Variants in TMEM244 observed in about 807,000 individuals in gnomAD.
TMEM244 encodes transmembrane protein 244.
In TMEM244, 13 loss-of-function variants were observed where a neutral mutation model predicts 15.8. That is an observed-to-expected ratio of 0.82 (90% confidence interval 0.53 to 1.30). TMEM244 has a LOEUF of 1.30. TMEM244 is among the 50% of genes most tolerant of loss of function. The pLI, the probability that TMEM244 is intolerant of heterozygous loss-of-function variation, is 0.00. For missense variants in TMEM244, 161 were observed against 144.9 expected, an observed-to-expected ratio of 1.11 and a Z score of -0.57; for synonymous variants, 45 against 48.7, an observed-to-expected ratio of 0.92 and a Z score of 0.32.
In TMEM244 at chr6:129,835,371, C is replaced by T. The variant is rs554434594; in HGVS notation, c.194-1786G>A. On this transcript the variant is annotated intron_variant, in intron 3 of 4. Transcript: ENST00000368143. ...TATGATCATGCCACTGCACTGCACT[C>T]GAGACTGGGTGACAGAGTGAATCTC... Among the ~76,000 whole-genome samples the T allele has an allele frequency of 2.3e-3, 340 of 145,328 alleles. 2 individuals carry two copies. The highest frequency in any genetic ancestry group is 3.5e-3 in the Middle Eastern group (1 of 284).
At chr6:129,853,907 G>C (rs1195954869) in intron 1 of TMEM244, among the ~76,000 whole-genome samples, 1 of 152,102 alleles carries the variant, frequency 6.6e-6, no homozygotes, top group Non-Finnish European at 1.5e-5. Context: ...TTCTACACTG[G>C]CTTGACGGGG....
intron 1 of TMEM244, among the ~76,000 whole-genome samples, chr6:129,858,164 G>T (rs903548517): frequency 5.9e-5 from 9 of 152,072 alleles, no homozygotes; most frequent in African/African-American, 2.2e-4. Flanking sequence ...TCATAAGTGA[G>T]ATTGATCTAT....
At chr6:129,851,713 T>A (rs1776639478) in intron 1 of TMEM244, among the ~76,000 whole-genome samples, 1 of 152,166 alleles carries the variant, frequency 6.6e-6, no homozygotes. Context: ...ATTAACAAAG[T>A]AAAAGCACTT....
intron 3 of TMEM244, among the ~76,000 whole-genome samples, chr6:129,839,492 G>A (rs1776455910): frequency 6.6e-6 from 1 of 152,142 alleles, no homozygotes; most frequent in African/African-American, 2.4e-5. Flanking sequence ...GGCAAAAACT[G>A]GAAGCATTCC....
chr6:129,855,617 T>C lies in TMEM244; in HGVS notation c.33+5539A>G, dbSNP rs1312357597. 2.0e-5 allele frequency among the ~76,000 whole-genome samples: 3 copies of C among 152,222 alleles called. No individual in the cohort carries two copies. The East Asian group carries it at 5.8e-4, about 29-fold the overall frequency. On this transcript the variant is annotated intron_variant, in intron 1 of 4. Coordinates refer to ENST00000368143, the MANE Select transcript of TMEM244 (RefSeq NM_001010876.2). ...TTCTAGAATCAATCATATTTTCACA[T>C]GTTACATTTGGTTGTCATGGCTCTT...
In TMEM244 at chr6:129,859,598, A is replaced by G. The variant is rs990203122; in HGVS notation, c.33+1558T>C. On this transcript the variant is annotated intron_variant, in intron 1 of 4. Transcript: ENST00000368143. ...TAGGAAACATGCCGTCTACTGGAGT[A>G]GAATACATTGTATTCTGAACAGTTT... is the stretch of plus-strand genomic sequence containing the variant. 3.3e-5 allele frequency among the ~76,000 whole-genome samples: 5 copies of G among 152,262 alleles called. No homozygotes were observed. In the East Asian group the frequency reaches 9.6e-4, roughly 29 times the overall value.
intron 3 of TMEM244, among the ~76,000 whole-genome samples, chr6:129,834,202 G>A (rs1317575255): frequency 7.9e-5 from 12 of 152,190 alleles, no homozygotes; most frequent in African/African-American, 1.2e-4. Flanking sequence ...ACCTGAACAC[G>A]TATAAAGAGC....
intron 2 of TMEM244, among the ~76,000 whole-genome samples, chr6:129,844,640 G>C (rs1294344925): frequency 6.6e-6 from 1 of 152,126 alleles, no homozygotes; most frequent in Admixed American, 6.5e-5. Flanking sequence ...CCTCACCTCT[G>C]ACTCATGTTA....
chr6:129,843,601 A>G lies in TMEM244; in HGVS notation c.122T>C (p.Val41Ala), dbSNP rs759998828. Residue 41 changes from valine to alanine, a missense_variant and splice_region_variant, in exon 3 of 5, where the codon GTG (valine) becomes GCG (alanine). By Grantham distance (64) the Val-to-Ala change is moderately conservative. Transcript: ENST00000368143. ...SLSMGCVMFE[V>A]HELNVLAPFD... ...TGGAGCCAGGACATTCAACTCATGC[A>G]CCCTAAAGATGTTATAAGTGAAAAC... 6.2e-7 allele frequency: 1 copy of G among 1,610,580 alleles called. No individual in the cohort carries two copies. The highest frequency in any genetic ancestry group is 8.5e-7 in the Non-Finnish European group (1 of 1,177,368).
At chr6:129,848,828 A>G (rs1776598048) in intron 1 of TMEM244, among the ~76,000 whole-genome samples, 2 of 152,144 alleles carry the variant, frequency 1.3e-5, no homozygotes, top group Non-Finnish European at 1.5e-5. Context: ...TTTTAATTTG[A>G]ACATTAATAG....
At position 129,848,825 on chromosome 6, in the gene TMEM244, T is replaced by C. The variant is rs141735873; in HGVS notation, c.34-2973A>G. ...GAAATCAATTAGTTTTTCTTTTAATTTGAACATTAATAGCCTCTAGATATT... is the reference window on the plus strand; with the variant it reads ...GAAATCAATTAGTTTTTCTTTTAATCTGAACATTAATAGCCTCTAGATATT... On this transcript the variant is annotated intron_variant, in intron 1 of 4. Transcript: ENST00000368143. Among the ~76,000 whole-genome samples the C allele has an allele frequency of 6.8e-3, 1,041 of 152,306 alleles. 11 individuals carry two copies. The highest frequency in any genetic ancestry group is 0.011 in the Non-Finnish European group (743 of 68,026).
At position 129,854,746 on chromosome 6, in the gene TMEM244, T is replaced by A. The variant is rs753558802; in HGVS notation, c.33+6410A>T. On this transcript the variant is annotated intron_variant, in intron 1 of 4. Coordinates refer to ENST00000368143, the MANE Select transcript of TMEM244 (RefSeq NM_001010876.2). The stretch of plus-strand genomic sequence containing the variant: ...ACAGCTGGTCCCTGACTTACCATGG[T>A]TCAATTTAACAATGTTTCAAATTTA... 1.1e-4 allele frequency among the ~76,000 whole-genome samples: 17 copies of A among 152,302 alleles called. No homozygotes were observed. In the South Asian group the frequency reaches 2.3e-3, roughly 20 times the overall value.
chr6:129,843,481 G>C, intron 3 of TMEM244, 49 bp downstream of exon 3: 1 of 1,318,376 alleles, frequency 7.6e-7, no homozygotes, highest in Non-Finnish European at 1.1e-6. Context: ...TATGGGGTTA[G>C]TGGCATTTAG....
intron 1 of TMEM244, among the ~76,000 whole-genome samples, chr6:129,856,691 A>T (rs897605381): frequency 6.6e-6 from 1 of 152,088 alleles, no homozygotes; most frequent in African/African-American, 2.4e-5. Context: ...AAGGCTAGTC[A>T]TCTCTCCTTT....
chr6:129,845,668 A>T (rs1776551416), intron 2 of TMEM244, 99 bp downstream of exon 2: 1 of 915,912 alleles, frequency 1.1e-6, no homozygotes, highest in South Asian at 1.5e-5. Context: ...AAAAATCCAC[A>T]TCCTCTAATC....
intron 3 of TMEM244, among the ~76,000 whole-genome samples, chr6:129,835,484 A>G (rs1055316825): frequency 5.3e-5 from 8 of 151,760 alleles, no homozygotes; most frequent in Non-Finnish European, 7.4e-5. Context: ...TCCCAGTGAG[A>G]TCGACGCAGA....
At chr6:129,858,658 G>T (rs966519970) in intron 1 of TMEM244, among the ~76,000 whole-genome samples, 1 of 152,122 alleles carries the variant, frequency 6.6e-6, no homozygotes, top group Non-Finnish European at 1.5e-5. Context: ...GACAGACACT[G>T]ATTTGACCAC....
At chr6:129,861,019 G>A (rs1033493342) in intron 1 of TMEM244, 137 bp downstream of exon 1, 5 of 856,282 alleles carry the variant, frequency 5.8e-6, no homozygotes, top group Non-Finnish European at 9.4e-6. Flanking sequence ...CCGTGCAGCA[G>A]AATGTTTTCT....
At chr6:129,843,041 G>T (rs1027346298) in intron 3 of TMEM244, among the ~76,000 whole-genome samples, 3 of 151,872 alleles carry the variant, frequency 2.0e-5, no homozygotes, top group Non-Finnish European at 2.9e-5. Flanking sequence ...ACAAAGTAGA[G>T]AATGAAAGTT....
Sources: gnomAD v4.1 joint callset for allele counts (sites outside exome capture counted in the v4.1 genomes callset) on GRCh38, gnomAD v4.1.1 for gene constraint, MANE v1.5 for transcripts, NCBI Gene and HGNC (gene_info 2026-07-23, HGNC 2026-07-21) for gene names.